The following PPP4R2 variants were observed in gnomAD, a reference collection of about 807,000 sequenced individuals.
PPP4R2 encodes protein phosphatase 4 regulatory subunit 2.
Under a neutral mutation model 47.2 loss-of-function variants are expected in PPP4R2, and 13 were observed. That is an observed-to-expected ratio of 0.28 (90% CI 0.18 to 0.44). PPP4R2 has a LOEUF of 0.44. Ranked by LOEUF, PPP4R2 falls within the 20% of genes least tolerant of loss-of-function variation. The pLI, the probability that PPP4R2 is intolerant of heterozygous loss-of-function variation, is 1.00. For missense variants in PPP4R2, 421 were observed against 491.2 expected (o/e 0.86, Z 1.35); for synonymous variants, 151 against 163.3 (o/e 0.92, Z 0.57).
intron 2 of PPP4R2, among the ~76,000 whole-genome samples, chr3:73,000,034 A>C (rs1701427225): frequency 6.6e-6 from 1 of 152,202 alleles, no homozygotes; most frequent in Non-Finnish European, 1.5e-5. Context: ...TGAAAATGAA[A>C]ATTTAAAGAA....
intron 2 of PPP4R2, among the ~76,000 whole-genome samples, chr3:73,005,217 A>G (rs1380438748): frequency 6.6e-6 from 1 of 152,020 alleles, no homozygotes; most frequent in East Asian, 1.9e-4. Context: ...TCAGGATTAC[A>G]GGTGTGAGCC....
chr3:73,064,746 C>T (rs191280808), intron 7 of PPP4R2, 106 bp from the exon 8 acceptor site: 19 of 1,005,324 alleles, frequency 1.9e-5, no homozygotes, highest in Admixed American at 9.3e-5. Context: ...TATAATTTAA[C>T]TTTGACACTG....
intron 2 of PPP4R2, among the ~76,000 whole-genome samples, chr3:73,034,860 C>T (rs1047448485): frequency 7.5e-6 from 1 of 132,514 alleles, no homozygotes; most frequent in African/African-American, 3.0e-5. Flanking sequence ...AAAAAAAAAA[C>T]ATTTCCAACA....
intron 5 of PPP4R2, 56 bp from the exon 6 acceptor site, chr3:73,063,617 A>G (rs1702921252): frequency 2.0e-6 from 2 of 1,006,328 alleles, no homozygotes; most frequent in Admixed American, 1.8e-5. Flanking sequence ...TGACAGAGCC[A>G]GACTCCATCT....
Position 73,064,842 on chromosome 3 carries a change from A to G in PPP4R2, c.639-10A>G. ...ATCTTATTAATGACACTTTAAAAAA[A>G]CATTTACAGTGACTCTTCGACCTCT... is the stretch of plus-strand genomic sequence containing the variant. On this transcript the variant is annotated splice_polypyrimidine_tract_variant and intron_variant, in intron 7 of 8. Transcript: ENST00000356692. 2 of 1,565,218 alleles carry G rather than the reference A, an allele frequency of 1.3e-6. No individual in the cohort carries two copies. Among genetic ancestry groups the G allele is most frequent in the Non-Finnish European group, 1.7e-6 (2 of 1,160,444 alleles).
chr3:73,059,495 G>GGT (rs1466266749), intron 4 of PPP4R2, among the ~76,000 whole-genome samples: 1 of 152,156 alleles, frequency 6.6e-6, no homozygotes, highest in Non-Finnish European at 1.5e-5. Context: ...GGAGTTCAAA[G>GGT]GTACATAACT....
At chr3:73,010,802 A>G (rs894843688) in intron 2 of PPP4R2, among the ~76,000 whole-genome samples, 1 of 152,122 alleles carries the variant, frequency 6.6e-6, no homozygotes, top group African/African-American at 2.4e-5. Context: ...GGCCTCTCAG[A>G]GTGCTGGGAT....
In PPP4R2 at chr3:73,015,545, G is replaced by T. The variant is rs186856140; in HGVS notation, c.116+17387G>T. 1.7e-3 allele frequency among the ~76,000 whole-genome samples: 248 copies of T among 145,180 alleles called. 1 individual carries two copies. Among genetic ancestry groups the T allele is most frequent in the Middle Eastern group, 3.8e-3 (1 of 266 alleles). On this transcript the variant is annotated intron_variant, in intron 2 of 8. Transcript: ENST00000356692. ...GGCTGGAGTGCAGTGGCATGATCTCGGCTCACTGCAACCTCTGCCTCCCTG... is the reference window on the plus strand; with the variant it reads ...GGCTGGAGTGCAGTGGCATGATCTCTGCTCACTGCAACCTCTGCCTCCCTG...
intron 3 of PPP4R2, among the ~76,000 whole-genome samples, chr3:73,054,237 A>G (rs1702681894): frequency 6.6e-6 from 1 of 152,190 alleles, no homozygotes; most frequent in African/African-American, 2.4e-5. Flanking sequence ...TCTTTTAATA[A>G]TGATAAGGAA....
chr3:73,000,890 A>G (rs541875188), intron 2 of PPP4R2, among the ~76,000 whole-genome samples: 4 of 152,352 alleles, frequency 2.6e-5, no homozygotes, highest in African/African-American at 4.8e-5. Context: ...CATTTCAGTC[A>G]TGGATTTAAA....
intron 2 of PPP4R2, among the ~76,000 whole-genome samples, chr3:73,000,245 G>T (rs1020686314): frequency 2.0e-5 from 3 of 152,156 alleles, no homozygotes; most frequent in African/African-American, 7.2e-5. Flanking sequence ...GAGGCAGAAG[G>T]ATTGTTGGAA....
At position 73,037,913 on chromosome 3, in the gene PPP4R2, A is replaced by T. The variant is rs1233100504; in HGVS notation, c.117-9273A>T. Among the ~76,000 whole-genome samples the T allele has an allele frequency of 1.8e-4, 28 of 152,300 alleles. 1 individual carries two copies. The highest frequency in any genetic ancestry group is 5.9e-5 in the Non-Finnish European group (4 of 68,032). On this transcript the variant is annotated intron_variant, in intron 2 of 8. Transcript: ENST00000356692. ...AATTTTGTTTTATTGTTTTAAGCAC[A>T]CCTGCTGGCAGTAACAAAGTAATTT...
chr3:73,012,953 A>T (rs549478231), intron 2 of PPP4R2, among the ~76,000 whole-genome samples: 1 of 148,860 alleles, frequency 6.7e-6, no homozygotes, highest in East Asian at 2.0e-4. Context: ...CTAGTGGTGA[A>T]TTTGAGATTT....
At chr3:73,034,162 T>A (rs1435897265) in intron 2 of PPP4R2, among the ~76,000 whole-genome samples, 1 of 152,228 alleles carries the variant, frequency 6.6e-6, no homozygotes, top group African/African-American at 2.4e-5. Flanking sequence ...CTTTTTAAAC[T>A]GGTCATTTAG....
intron 2 of PPP4R2, among the ~76,000 whole-genome samples, chr3:73,022,738 A>G (rs1327275603): frequency 6.6e-6 from 1 of 151,746 alleles, no homozygotes; most frequent in Non-Finnish European, 1.5e-5. Context: ...AAACATCAAT[A>G]GCGACCTAGA....
chr3:73,045,526 A>ATTTTTTTTT (rs10659714), intron 2 of PPP4R2, among the ~76,000 whole-genome samples: 60 of 139,414 alleles, frequency 4.3e-4, no homozygotes, highest in African/African-American at 1.3e-3. Flanking sequence ...CATTCTCCTA[A>ATTTTTTTTT]TTTTTTTTTT....
At chr3:73,046,931 G>C (rs1270550768) in intron 2 of PPP4R2, among the ~76,000 whole-genome samples, 1 of 152,124 alleles carries the variant, frequency 6.6e-6, no homozygotes, top group Non-Finnish European at 1.5e-5. Flanking sequence ...TAGACTTTCA[G>C]GCAGAGGTAG....
intron 2 of PPP4R2, among the ~76,000 whole-genome samples, chr3:73,029,670 A>G (rs1702133123): frequency 1.3e-5 from 2 of 152,126 alleles, no homozygotes; most frequent in African/African-American, 4.8e-5. Context: ...ATGATTGGGG[A>G]TCAGGAGTCA....
intron 3 of PPP4R2, among the ~76,000 whole-genome samples, chr3:73,049,256 T>C (rs1000745169): frequency 2.0e-5 from 3 of 151,952 alleles, no homozygotes; most frequent in African/African-American, 4.8e-5. Flanking sequence ...CCCAGCACTT[T>C]GGGAGGCCGA....
Sources: gnomAD v4.1 joint callset for allele counts (sites outside exome capture counted in the v4.1 genomes callset) on GRCh38, gnomAD v4.1.1 for gene constraint, MANE v1.5 for transcripts, NCBI Gene and HGNC (gene_info 2026-07-23, HGNC 2026-07-21) for gene names.